The following SOX5 variants were observed in gnomAD, a reference collection of about 807,000 sequenced individuals.
SOX5 encodes SRY-box transcription factor 5.
A neutral mutation model predicts 92.0 loss-of-function variants in SOX5; 9 were observed. The ratio of observed to expected loss-of-function variants is 0.10; its 90% CI spans 0.06 to 0.17. The LOEUF (loss-of-function observed/expected upper bound fraction) is 0.17, where lower values mean the gene tolerates loss of function less well. Among genes scored for constraint, SOX5 ranks in the 10% least tolerant of loss-of-function variants. The pLI, the probability that SOX5 is intolerant of heterozygous loss-of-function variation, is 1.00. For missense variants in SOX5, 642 were observed against 944.5 expected, an observed-to-expected ratio of 0.68 and a Z score of 4.20; for synonymous variants, 344 against 336.3, an observed-to-expected ratio of 1.02 and a Z score of -0.25.
chr12:24,181,036 G>A (rs750164325), intron 4 of SOX5, among the ~76,000 whole-genome samples: 11 of 152,090 alleles, frequency 7.2e-5, no homozygotes, highest in Non-Finnish European at 1.3e-4. Flanking sequence ...TTATTGCATG[G>A]TTCTCAACAC....
chr12:24,193,376 A>G (rs1401368824), intron 4 of SOX5, among the ~76,000 whole-genome samples: 2 of 152,234 alleles, frequency 1.3e-5, no homozygotes, highest in Non-Finnish European at 2.9e-5. Context: ...CCTCCCTGCC[A>G]CTACCCAGGG....
intron 7 of SOX5, among the ~76,000 whole-genome samples, chr12:23,647,175 A>C (rs774850136): frequency 6.6e-6 from 1 of 152,192 alleles, no homozygotes; most frequent in Admixed American, 6.5e-5. Context: ...AACAACATCC[A>C]TCTCCTTGTA....
At chr12:24,135,018 A>T (rs990457936) in intron 4 of SOX5, among the ~76,000 whole-genome samples, 8 of 152,224 alleles carry the variant, frequency 5.3e-5, no homozygotes, top group Non-Finnish European at 8.8e-5. Flanking sequence ...AGACAGACAC[A>T]GAAAAAGCCA....
At chr12:23,710,365 T>TA (rs1218339030) in intron 6 of SOX5, among the ~76,000 whole-genome samples, 5 of 152,150 alleles carry the variant, frequency 3.3e-5, no homozygotes, top group Admixed American at 6.5e-5. Context: ...ACATTAGGTA[T>TA]ATCTCCTAAT....
intron 4 of SOX5, among the ~76,000 whole-genome samples, chr12:24,085,510 T>C (rs997461150): frequency 2.0e-5 from 3 of 152,146 alleles, no homozygotes; most frequent in Non-Finnish European, 4.4e-5. Context: ...GGAAGTATCA[T>C]TATGTTAAAC....
intron 6 of SOX5, among the ~76,000 whole-genome samples, chr12:23,704,041 T>C (rs999751080): frequency 6.6e-6 from 1 of 151,972 alleles, no homozygotes; most frequent in African/African-American, 2.4e-5. Context: ...CAGTCTTAGA[T>C]AATACTATAA....
chr12:24,523,052 A>C (rs1950393438), intron 1 of SOX5, among the ~76,000 whole-genome samples: 2 of 152,216 alleles, frequency 1.3e-5, no homozygotes, highest in African/African-American at 4.8e-5. Flanking sequence ...TAGAACTAAT[A>C]AATATAGTAA....
chr12:24,246,210 T>G (rs147970821), intron 3 of SOX5, among the ~76,000 whole-genome samples: 1 of 152,332 alleles, frequency 6.6e-6, no homozygotes, highest in East Asian at 1.9e-4. Flanking sequence ...CATTGACTAT[T>G]TTACAAATTG....
intron 9 of SOX5, chr12:23,584,607 C>CT: frequency 6.2e-7 from 1 of 1,605,736 alleles, no homozygotes; most frequent in African/African-American, 1.3e-5. Context: ...CTATAACTGA[C>CT]TGTTTAATGA....
chr12:23,799,107 C>T (rs1031079796), intron 3 of SOX5, among the ~76,000 whole-genome samples: 1 of 151,942 alleles, frequency 6.6e-6, no homozygotes, highest in Admixed American at 6.6e-5. Context: ...TCCTCTTCCC[C>T]ACACACAGAA....
At chr12:24,042,918 C>A (rs550533382) in intron 4 of SOX5, among the ~76,000 whole-genome samples, 189 of 152,280 alleles carry the variant, frequency 1.2e-3, no homozygotes, top group African/African-American at 4.3e-3. Context: ...GCACACAGAA[C>A]CTTCAGCAAA....
rs1938633044 is a variant in SOX5, at chr12:23,530,042, A to G, written c.*4177T>C. 6.6e-6 allele frequency: 1 copy of G among 152,244 alleles called. No homozygotes were observed. The highest frequency in any genetic ancestry group is 1.5e-5 in the Non-Finnish European group (1 of 68,040). The allele number at this position is 152,244 out of a possible 1,614,324, so 9.4% of individuals were successfully genotyped here. A position where few individuals can be genotyped will look rare whatever the true frequency, so the allele number is the denominator to read the frequency against. On this transcript the variant is annotated 3_prime_UTR_variant, in exon 15 of 15. Transcript: ENST00000451604. ...ACATCGTCTTCAACCTGGGAAGTTG[A>G]TAGTTATAGGATACTTTAAAATTAA...
At chr12:24,016,822 A>T (rs942024828) in intron 4 of SOX5, among the ~76,000 whole-genome samples, 1 of 152,162 alleles carries the variant, frequency 6.6e-6, no homozygotes, top group Non-Finnish European at 1.5e-5. Flanking sequence ...ACCGTGCTGA[A>T]AACCAAGGAT....
chr12:23,548,271 T>C (rs1480651543), intron 11 of SOX5, among the ~76,000 whole-genome samples: 1 of 152,066 alleles, frequency 6.6e-6, no homozygotes, highest in Non-Finnish European at 1.5e-5. Context: ...AGGTTCTGAG[T>C]TCAGCTCTAC....
chr12:23,935,566 G>A (rs1223640874), intron 1 of SOX5, among the ~76,000 whole-genome samples: 1 of 151,102 alleles, frequency 6.6e-6, no homozygotes, highest in Non-Finnish European at 1.5e-5. Flanking sequence ...AAGGAGAACT[G>A]GAAGTCAGTA....
At chr12:23,915,757 T>C (rs1057229916) in intron 1 of SOX5, among the ~76,000 whole-genome samples, 7 of 152,188 alleles carry the variant, frequency 4.6e-5, no homozygotes, top group African/African-American at 1.7e-4. Flanking sequence ...CTCCTTAAAA[T>C]CAAGGACAGT....
At chr12:24,490,717 G>T (rs1299668381) in intron 1 of SOX5, among the ~76,000 whole-genome samples, 2 of 152,108 alleles carry the variant, frequency 1.3e-5, no homozygotes, top group Admixed American at 6.5e-5. Flanking sequence ...GGAGGCACAT[G>T]AAGAGCTCCA....
chr12:23,609,464 G>A (rs143117717), intron 8 of SOX5, among the ~76,000 whole-genome samples: 213 of 152,010 alleles, frequency 1.4e-3, no homozygotes, highest in Non-Finnish European at 2.2e-3. Flanking sequence ...AAATGAAGAC[G>A]GAAAAAATAA....
chr12:23,567,464 A>ATTTTTTTTTTTTTTTTTTTTTTTT (rs35620007), intron 10 of SOX5, among the ~76,000 whole-genome samples: 1 of 119,154 alleles, frequency 8.4e-6, no homozygotes. Context: ...ATTTGATTTG[A>ATTTTTTTTTTTTTTTTTTTTTTTT]TTTTTTTTTT....
Sources: gnomAD v4.1 joint callset for allele counts (sites outside exome capture counted in the v4.1 genomes callset) on GRCh38, gnomAD v4.1.1 for gene constraint, MANE v1.5 for transcripts, NCBI Gene and HGNC (gene_info 2026-07-23, HGNC 2026-07-21) for gene names.